Variants in DNM3 observed in about 807,000 individuals in gnomAD.
DNM3 encodes the protein dynamin 3.
A neutral mutation model predicts 101.6 loss-of-function variants in DNM3; 47 were observed. That is an observed-to-expected ratio of 0.46 (90% CI 0.37 to 0.59). DNM3 has a LOEUF of 0.59. Among genes scored for constraint, DNM3 ranks in the 20% least tolerant of loss-of-function variants. The pLI is 0.00. For synonymous variants in DNM3, 385 were observed against 387.9 expected, an observed-to-expected ratio of 0.99 and a Z score of 0.09; for missense variants, 849 against 1,085.7, an observed-to-expected ratio of 0.78 and a Z score of 3.06.
chr1:171,849,091 T>C (rs893903590), intron 1 of DNM3, among the ~76,000 whole-genome samples: 2 of 152,230 alleles, frequency 1.3e-5, no homozygotes, highest in Non-Finnish European at 2.9e-5. Flanking sequence ...TGTTTATCCT[T>C]CCAGTGGCTT....
intron 2 of DNM3, among the ~76,000 whole-genome samples, chr1:171,940,227 A>G (rs1397831487): frequency 1.3e-5 from 2 of 152,188 alleles, no homozygotes; most frequent in Non-Finnish European, 2.9e-5. Context: ...TGTTAGTTTA[A>G]TATTAACAGT....
chr1:171,854,188 C>CTG (rs769466811), intron 1 of DNM3, among the ~76,000 whole-genome samples: 3 of 152,188 alleles, frequency 2.0e-5, no homozygotes, highest in Non-Finnish European at 4.4e-5. Context: ...AACATGTATT[C>CTG]TGTGGAGCCT....
At chr1:172,124,435 C>T (rs2056507402) in intron 13 of DNM3, among the ~76,000 whole-genome samples, 1 of 152,190 alleles carries the variant, frequency 6.6e-6, no homozygotes, top group Non-Finnish European at 1.5e-5. Flanking sequence ...TAGTTGCCTT[C>T]CTTTTCCATA....
chr1:172,297,142 CA>C (rs767532426), intron 15 of DNM3, among the ~76,000 whole-genome samples: 16,219 of 110,914 alleles, frequency 0.15, 1,188 homozygotes, highest in African/African-American at 0.28. Context: ...AACTCCATCT[CA>C]AAAAAAAAAA....
chr1:172,116,747 T>A (rs2055924911), intron 13 of DNM3, among the ~76,000 whole-genome samples: 1 of 152,226 alleles, frequency 6.6e-6, no homozygotes, highest in Non-Finnish European at 1.5e-5. Flanking sequence ...TCAGCATTTT[T>A]AATAGAAGAA....
chr1:172,234,902 A>G (rs2061478545), intron 14 of DNM3, among the ~76,000 whole-genome samples: 1 of 152,238 alleles, frequency 6.6e-6, no homozygotes, highest in Non-Finnish European at 1.5e-5. Context: ...AAACCCTAGA[A>G]GAAAACCTAG....
At chr1:171,878,375 CTTTCT>C (rs2035963563) in intron 1 of DNM3, among the ~76,000 whole-genome samples, 2 of 126,772 alleles carry the variant, frequency 1.6e-5, no homozygotes, top group South Asian at 4.8e-4. Flanking sequence ...ATTAAAATTC[CTTTCT>C]TTTTTTTTTT....
At chr1:172,243,257 C>T (rs2061816209) in intron 14 of DNM3, among the ~76,000 whole-genome samples, 1 of 152,076 alleles carries the variant, frequency 6.6e-6, no homozygotes, top group Non-Finnish European at 1.5e-5. Flanking sequence ...AATGTTCTCA[C>T]TTTCAAATTA....
At chr1:172,204,815 A>G (rs1045558748) in intron 14 of DNM3, among the ~76,000 whole-genome samples, 8 of 151,958 alleles carry the variant, frequency 5.3e-5, no homozygotes, top group African/African-American at 1.5e-4. Context: ...TGAATGTTCT[A>G]CCCTCCACAC....
chr1:172,361,275 C>T (rs1323817173), intron 17 of DNM3, among the ~76,000 whole-genome samples: 1 of 151,946 alleles, frequency 6.6e-6, no homozygotes, highest in East Asian at 1.9e-4. Context: ...AACCATTTGC[C>T]TACCTTAGTG....
intron 2 of DNM3, among the ~76,000 whole-genome samples, chr1:171,945,642 G>GT (rs1349522040): frequency 3.3e-5 from 5 of 152,150 alleles, no homozygotes; most frequent in East Asian, 1.9e-4. Flanking sequence ...AGTCTAAGAG[G>GT]TTTTTTCCTT....
chr1:172,184,360 C>T (rs1354177328), intron 14 of DNM3, among the ~76,000 whole-genome samples: 1 of 152,092 alleles, frequency 6.6e-6, no homozygotes, highest in East Asian at 1.9e-4. Flanking sequence ...GTAAGACATA[C>T]CCACTACATA....
At chr1:172,142,658 C>T (rs770627343) in intron 14 of DNM3, among the ~76,000 whole-genome samples, 6 of 150,128 alleles carry the variant, frequency 4.0e-5, no homozygotes, top group Non-Finnish European at 7.4e-5. Flanking sequence ...ACAAAAAGAC[C>T]GTTTAACATG....
intron 1 of DNM3, among the ~76,000 whole-genome samples, chr1:171,894,353 A>C (rs191618197): frequency 1.3e-5 from 2 of 152,172 alleles, no homozygotes; most frequent in African/African-American, 4.8e-5. Context: ...AAAACCGGAA[A>C]GCTCTGGTCT....
intron 1 of DNM3, among the ~76,000 whole-genome samples, chr1:171,872,015 A>G (rs1333682618): frequency 6.6e-6 from 1 of 151,260 alleles, no homozygotes; most frequent in East Asian, 2.0e-4. Context: ...CAGACGAGCT[A>G]TGGCCATTGA....
chr1:172,349,640 G>C (rs1394297121), intron 17 of DNM3, among the ~76,000 whole-genome samples: 1 of 152,096 alleles, frequency 6.6e-6, no homozygotes, highest in African/African-American at 2.4e-5. Flanking sequence ...AGCAATACAT[G>C]ATCAAATATC....
rs564369371 is a variant in DNM3, at chr1:172,053,276, C to T, written c.1335+4526C>T. On this transcript the variant is annotated intron_variant, in intron 10 of 20. Transcript: ENST00000627582. ...TCTTTTGACATTTGCATAAGTGATTCCTTTTGTCTAGAATGTCTCACTTTC... is the reference window on the plus strand; with the variant it reads ...TCTTTTGACATTTGCATAAGTGATTTCTTTTGTCTAGAATGTCTCACTTTC... 5.9e-5 allele frequency among the ~76,000 whole-genome samples: 9 copies of T among 152,068 alleles called. No homozygotes were observed. In the South Asian group the frequency reaches 1.9e-3, roughly 32 times the overall value.
chr1:171,883,363 CCA>C (rs71107337), intron 1 of DNM3, among the ~76,000 whole-genome samples: 2,831 of 119,920 alleles, frequency 0.024, 49 homozygotes, highest in African/African-American at 0.04. Flanking sequence ...CAAAAAAGGA[CCA>C]CACACACACA....
At chr1:172,312,259 G>A (rs1373156288) in intron 16 of DNM3, among the ~76,000 whole-genome samples, 1 of 152,176 alleles carries the variant, frequency 6.6e-6, no homozygotes, top group Non-Finnish European at 1.5e-5. Flanking sequence ...CTACAAATCA[G>A]TCAATTGCTA....
Sources: gnomAD v4.1 joint callset for allele counts (sites outside exome capture counted in the v4.1 genomes callset) on GRCh38, gnomAD v4.1.1 for gene constraint, MANE v1.5 for transcripts, NCBI Gene and HGNC (gene_info 2026-07-23, HGNC 2026-07-21) for gene names.